The following OTOG variants were observed in gnomAD, a reference collection of about 807,000 sequenced individuals.
The protein encoded by OTOG is otogelin.
A neutral mutation model predicts 313.8 loss-of-function variants in OTOG; 296 were observed. The ratio of observed to expected loss-of-function variants is 0.94; its 90% CI spans 0.86 to 1.04. OTOG has a LOEUF of 1.04. OTOG is among the 50% of genes least tolerant of loss of function. The pLI, the probability that OTOG is intolerant of heterozygous loss-of-function variation, is 0.00. For synonymous variants in OTOG, 1,533 were observed against 1,554.9 expected (o/e 0.99, Z 0.33); for missense variants, 3,948 against 3,840.1 (o/e 1.03, Z -0.74).
intron 18 of OTOG, among the ~76,000 whole-genome samples, chr11:17,572,698 C>T (rs956150853): frequency 2.0e-5 from 3 of 152,250 alleles, no homozygotes; most frequent in Middle Eastern, 3.2e-3. Context: ...CTCATTCCCT[C>T]ACTGAGGCCT....
intron 44 of OTOG, 149 bp downstream of exon 44, chr11:17,634,430 C>T: frequency 1.1e-6 from 1 of 893,368 alleles, no homozygotes; most frequent in South Asian, 1.7e-5. Context: ...AGAACCCTCC[C>T]TGGGGGCAGG....
chr11:17,606,263 G>C (rs1853387327), intron 33 of OTOG, 128 bp downstream of exon 33: 4 of 1,247,808 alleles, frequency 3.2e-6, no homozygotes, highest in African/African-American at 1.5e-5. Flanking sequence ...TGGCACAGGG[G>C]CCACATGGGT....
At chr11:17,633,495 G>T (rs924687830) in intron 42 of OTOG, among the ~76,000 whole-genome samples, 185 bp from the exon 43 acceptor site, 7 of 152,208 alleles carry the variant, frequency 4.6e-5, no homozygotes, top group African/African-American at 1.7e-4. Flanking sequence ...GCTGTGGGCT[G>T]TACTTTGCTG....
At chr11:17,633,459 G>A (rs1030328483) in intron 42 of OTOG, among the ~76,000 whole-genome samples, 1 of 152,200 alleles carries the variant, frequency 6.6e-6, no homozygotes, top group Non-Finnish European at 1.5e-5. Context: ...CTTTATTTGT[G>A]AAAACAGACA....
At chr11:17,635,255 C>A in intron 46 of OTOG, 68 bp downstream of exon 46, 1 of 1,296,242 alleles carries the variant, frequency 7.7e-7, no homozygotes, top group South Asian at 1.4e-5. Context: ...ACCCCTGTGT[C>A]CTTGGGCAGC....
intron 19 of OTOG, among the ~76,000 whole-genome samples, chr11:17,574,414 C>T (rs1281507402): frequency 1.3e-5 from 2 of 152,054 alleles, no homozygotes; most frequent in African/African-American, 2.4e-5. Flanking sequence ...GATCTCTACC[C>T]CTTCCCCAAT....
chr11:17,608,495 T>A, intron 34 of OTOG, 82 bp downstream of exon 34: 5 of 921,976 alleles, frequency 5.4e-6, no homozygotes, highest in Non-Finnish European at 7.8e-6. Flanking sequence ...TGTGTATGAG[T>A]GTTTCATATG....
intron 32 of OTOG, among the ~76,000 whole-genome samples, chr11:17,603,211 AC>A (rs1853297360): frequency 6.6e-6 from 1 of 152,080 alleles, no homozygotes; most frequent in Non-Finnish European, 1.5e-5. Flanking sequence ...ACGTAGTTGC[AC>A]AAGGAGGCCT....
At chr11:17,576,947 G>A in intron 22 of OTOG, 36 bp downstream of exon 22, 1 of 1,542,544 alleles carries the variant, frequency 6.5e-7, no homozygotes, top group Non-Finnish European at 8.8e-7. Flanking sequence ...CCTTCTGGGG[G>A]CTCCACATGG....
Position 17,578,413 on chromosome 11 carries a change from C to G in OTOG, c.2646C>G (p.Ser882Arg). The G allele has an allele frequency of 6.5e-7, 1 of 1,539,126 alleles. No homozygotes were observed. ...CPAGQVFVNC[S>R]DLHTDLELSR... Reference sequence around the variant, plus strand: ...CAGGCCAGGTCTTCGTGAACTGCAGCGACCTGCACACGGACCTGGAGCTGA... The same window carrying G: ...CAGGCCAGGTCTTCGTGAACTGCAGGGACCTGCACACGGACCTGGAGCTGA... Residue 882 changes from serine (S) to arginine (R), a missense_variant, in exon 23 of 56, where the codon AGC becomes AGG. Ser to Arg is a moderately radical substitution (Grantham distance 110). Transcript: ENST00000399397.
chr11:17,613,809 G>A, intron 39 of OTOG, 108 bp downstream of exon 39: 1 of 834,298 alleles, frequency 1.2e-6, no homozygotes, highest in Middle Eastern at 2.5e-4. Context: ...CAGGGCAGGG[G>A]TGGGGAGGGG....
intron 48 of OTOG, chr11:17,638,835 C>A (rs1419202315): frequency 1.9e-5 from 26 of 1,370,780 alleles, no homozygotes; most frequent in Middle Eastern, 1.9e-4. Context: ...CGGTGGCTCA[C>A]ACCTGTAATC....
At chr11:17,634,514 T>C (rs776311010) in intron 44 of OTOG, among the ~76,000 whole-genome samples, 1 of 152,054 alleles carries the variant, frequency 6.6e-6, no homozygotes, top group Non-Finnish European at 1.5e-5. Context: ...CCCCCACCTG[T>C]AGCCTTGTGG....
At chr11:17,632,295 G>C in intron 42 of OTOG, 69 bp downstream of exon 42, 1 of 1,475,644 alleles carries the variant, frequency 6.8e-7, no homozygotes. Flanking sequence ...AGTGGGAAAA[G>C]GCTCCCGGCC....
At position 17,559,163 on chromosome 11, in the gene OTOG, T is replaced by C. The variant is rs980929339; in HGVS notation, c.1213+2T>C. The C allele has an allele frequency of 6.5e-7, 1 of 1,535,190 alleles. No homozygotes were observed. Among genetic ancestry groups the C allele is most frequent in the Non-Finnish European group, 8.7e-7 (1 of 1,145,262 alleles). On this transcript the variant is annotated splice_donor_variant, in intron 11 of 55. Coordinates refer to ENST00000399397, the MANE Select transcript of OTOG (RefSeq NM_001292063.2). LOFTEE classifies it high-confidence loss of function. ...GGAGGACCCAGCTCCGGCAATGCAG[T>C]AGGTGCAGCCCAGTAGTGGGGCAGG...
At chr11:17,566,887 T>A (rs886358226) in intron 15 of OTOG, among the ~76,000 whole-genome samples, 1 of 152,240 alleles carries the variant, frequency 6.6e-6, no homozygotes, top group African/African-American at 2.4e-5. Context: ...TTTGTTATCA[T>A]CTACATTTCA....
chr11:17,589,926 G>T (rs1300515068), intron 24 of OTOG, among the ~76,000 whole-genome samples: 1 of 152,090 alleles, frequency 6.6e-6, no homozygotes, highest in Non-Finnish European at 1.5e-5. Context: ...TTTCATTCAT[G>T]TGGCTTTTGG....
In OTOG at chr11:17,609,856, C is replaced by T; in HGVS notation, c.4556C>T (p.Pro1519Leu). Residue 1519 changes from proline (P) to leucine (L), a missense_variant, in exon 36 of 56, where the codon CCA (proline) becomes CTA (leucine). Physicochemically the swap from Pro to Leu is moderately conservative, Grantham distance 98 (BLOSUM62 -3). Coordinates refer to ENST00000399397, the MANE Select transcript of OTOG (RefSeq NM_001292063.2). ...CCACCAGTGACAGCCACTGAGGAGC[C>T]AGTGGTGTCTCCAGGCCCCACCCAG... ...LNPPVTATEEPVVSPGPTQTT... is the reference protein window; with the variant it reads ...LNPPVTATEELVVSPGPTQTT... 6.6e-7 allele frequency: 1 copy of T among 1,518,566 alleles called. No homozygotes were observed. The highest frequency in any genetic ancestry group is 1.3e-5 in the South Asian group (1 of 79,564). 94.1% of individuals were successfully genotyped at this position (1,518,566 alleles called of 1,614,324 possible).
intron 24 of OTOG, among the ~76,000 whole-genome samples, chr11:17,587,034 G>A (rs898711903): frequency 1.3e-5 from 2 of 152,190 alleles, no homozygotes; most frequent in African/African-American, 4.8e-5. Context: ...TGTGCATATG[G>A]ATCCATTTAA....
Sources: gnomAD v4.1 joint callset for allele counts (sites outside exome capture counted in the v4.1 genomes callset) on GRCh38, gnomAD v4.1.1 for gene constraint, MANE v1.5 for transcripts, NCBI Gene and HGNC (gene_info 2026-07-23, HGNC 2026-07-21) for gene names.